CAMTA1: variants seen among roughly 807,000 people sequenced by gnomAD.
The protein encoded by CAMTA1 is calmodulin binding transcription activator 1, also known as calmodulin-binding transcription activator 1.
A neutral mutation model predicts 170.9 loss-of-function variants in CAMTA1; 27 were observed. The ratio of observed to expected loss-of-function variants is 0.16; its 90% confidence interval spans 0.12 to 0.22. The LOEUF (loss-of-function observed/expected upper bound fraction) is 0.22. Among genes scored for constraint, CAMTA1 ranks in the 10% least tolerant of loss-of-function variants. The pLI, the probability that CAMTA1 is intolerant of heterozygous loss-of-function variation, is 1.00. For missense variants in CAMTA1, 1,619 were observed against 2,217.2 expected, an observed-to-expected ratio of 0.73 and a Z score of 5.42; for synonymous variants, 833 against 891.5, an observed-to-expected ratio of 0.93 and a Z score of 1.17.
At chr1:7,082,410 C>T (rs934820050) in intron 3 of CAMTA1, among the ~76,000 whole-genome samples, 1 of 151,770 alleles carries the variant, frequency 6.6e-6, no homozygotes, top group Non-Finnish European at 1.5e-5. Context: ...TGCCTTCCAG[C>T]CCAGGTGACG....
intron 3 of CAMTA1, among the ~76,000 whole-genome samples, chr1:6,945,050 C>T (rs1446239071): frequency 1.3e-5 from 2 of 152,154 alleles, no homozygotes; most frequent in Admixed American, 6.5e-5. Flanking sequence ...TTGTCTGGCT[C>T]CTACTCTGAG....
intron 3 of CAMTA1, among the ~76,000 whole-genome samples, chr1:7,078,429 T>C (rs1049182425): frequency 6.6e-6 from 1 of 152,198 alleles, no homozygotes; most frequent in Non-Finnish European, 1.5e-5. Context: ...TCAGACACTC[T>C]CTCTCCCTCT....
intron 3 of CAMTA1, among the ~76,000 whole-genome samples, chr1:6,954,095 C>CT (rs1689021874): frequency 6.6e-6 from 1 of 152,346 alleles, no homozygotes; most frequent in African/African-American, 2.4e-5. Context: ...GGGACTTGTC[C>CT]TTTTTCTCAC....
intron 5 of CAMTA1, among the ~76,000 whole-genome samples, chr1:7,367,617 C>T (rs146559709): frequency 2.0e-3 from 298 of 152,360 alleles, no homozygotes; most frequent in Middle Eastern, 6.8e-3. Flanking sequence ...GCTCTGGGCC[C>T]TCTGCACTCT....
chr1:6,792,475 AT>A (rs879731888), intron 1 of CAMTA1, among the ~76,000 whole-genome samples: 216 of 144,584 alleles, frequency 1.5e-3, no homozygotes, highest in African/African-American at 3.9e-3. Flanking sequence ...TTTCCTGAGC[AT>A]TTTTTTTTTT....
At chr1:6,967,433 C>T (rs749062460) in intron 3 of CAMTA1, among the ~76,000 whole-genome samples, 19 of 152,188 alleles carry the variant, frequency 1.2e-4, no homozygotes, top group Middle Eastern at 3.4e-3. Context: ...GCTCCCCACC[C>T]GCGAATGTGG....
chr1:7,382,265 A>G (rs2087427595), intron 5 of CAMTA1, among the ~76,000 whole-genome samples: 1 of 152,268 alleles, frequency 6.6e-6, no homozygotes, highest in African/African-American at 2.4e-5. Flanking sequence ...AGGGAAACAG[A>G]TAGCTATCTC....
chr1:7,153,234 C>G (rs892205682), intron 4 of CAMTA1, among the ~76,000 whole-genome samples: 1 of 152,156 alleles, frequency 6.6e-6, no homozygotes, highest in African/African-American at 2.4e-5. Flanking sequence ...ATGAGAAAGA[C>G]AGAGTCCCTA....
rs2100764148 is a variant in CAMTA1 at position 7,010,208 on chromosome 1, A to G, written c.235-81096A>G. The stretch of plus-strand genomic sequence containing the variant: ...CTGGAGCTTGGGGAAGCTTCAGTCC[A>G]GAGAAGACAGAGGACTTGACTGAGC... On this transcript the variant is annotated intron_variant, in intron 3 of 22. Transcript: ENST00000303635. This position sits in a 1 kb window ranked among gnomAD's most constrained non-coding sequence, Gnocchi z 4.4. Among the ~76,000 whole-genome samples the G allele has an allele frequency of 1.3e-5, 2 of 152,342 alleles. No individual in the cohort carries two copies. Among genetic ancestry groups the G allele is most frequent in the East Asian group, 3.9e-4 (2 of 5,178 alleles).
chr1:7,250,183 C>G (rs189838065), intron 5 of CAMTA1, among the ~76,000 whole-genome samples: 4 of 152,186 alleles, frequency 2.6e-5, no homozygotes, highest in African/African-American at 7.2e-5. Context: ...GGGCCGACTT[C>G]GGGTTTTGGC....
chr1:6,866,639 GA>G (rs1272733858), intron 3 of CAMTA1, among the ~76,000 whole-genome samples: 2 of 152,074 alleles, frequency 1.3e-5, no homozygotes, highest in African/African-American at 4.8e-5. Context: ...CCAATCGGAA[GA>G]AAAAAATTTA....
chr1:6,788,178 CCTCCCTTTCTCCCTCT>C (rs576772827), intron 1 of CAMTA1, among the ~76,000 whole-genome samples: 7 of 151,384 alleles, frequency 4.6e-5, no homozygotes, highest in African/African-American at 1.7e-4. Flanking sequence ...TCCCTCCCTC[CCTCCCTTTCTCCCTCT>C]TTCACGAAAT....
intron 4 of CAMTA1, among the ~76,000 whole-genome samples, chr1:7,133,890 G>A (rs767354307): frequency 6.6e-6 from 1 of 152,322 alleles, no homozygotes; most frequent in South Asian, 2.1e-4. Context: ...TATGAAATAA[G>A]TTTTTTAAAA....
intron 3 of CAMTA1, among the ~76,000 whole-genome samples, chr1:6,910,859 T>G (rs1214845813): frequency 6.6e-6 from 1 of 152,224 alleles, no homozygotes; most frequent in Non-Finnish European, 1.5e-5. Flanking sequence ...GTGGCTGGAC[T>G]TCAGCAGCTC....
intron 6 of CAMTA1, among the ~76,000 whole-genome samples, chr1:7,555,733 C>T (rs905531953): frequency 1.4e-4 from 21 of 149,302 alleles, no homozygotes; most frequent in African/African-American, 4.9e-4. Flanking sequence ...AGCACGTGGT[C>T]CCCCAAACCA....
rs1666606981 is a variant in CAMTA1, at chr1:7,251,330, G to A, written c.438+1704G>A. 6.6e-6 allele frequency among the ~76,000 whole-genome samples: 1 copy of A among 152,178 alleles called. No individual in the cohort carries two copies. Among genetic ancestry groups the A allele is most frequent in the Non-Finnish European group, 1.5e-5 (1 of 68,026 alleles). ...GAATCAGAATGATTTATGGCTATTTGTTAGGCCATATTTGTGTTTGGAGTT... is the reference window on the plus strand; with the variant it reads ...GAATCAGAATGATTTATGGCTATTTATTAGGCCATATTTGTGTTTGGAGTT... On this transcript the variant is annotated intron_variant, in intron 5 of 22. Coordinates refer to ENST00000303635, the MANE Select transcript of CAMTA1 (RefSeq NM_015215.4). This position sits in a 1 kb window ranked among gnomAD's most constrained non-coding sequence, Gnocchi z 5.1.
intron 7 of CAMTA1, among the ~76,000 whole-genome samples, chr1:7,647,865 C>G (rs540044873): frequency 6.6e-6 from 1 of 152,366 alleles, no homozygotes; most frequent in Admixed American, 6.5e-5. Flanking sequence ...AGGAGGGTTA[C>G]TTGAGCCCAG....
chr1:7,103,840 ACATG>A (rs1289209173), intron 4 of CAMTA1, among the ~76,000 whole-genome samples: 6,149 of 75,610 alleles, frequency 0.081, 464 homozygotes, highest in African/African-American at 0.25. Context: ...ACAACTACAC[ACATG>A]TACACACAAC....
At chr1:7,606,730 C>T (rs558597711) in intron 6 of CAMTA1, among the ~76,000 whole-genome samples, 125 of 152,278 alleles carry the variant, frequency 8.2e-4, no homozygotes, top group African/African-American at 2.8e-3. Flanking sequence ...ATGGTTCCCA[C>T]CTCCAACCTC....
Sources: allele counts gnomAD v4.1 joint callset (sites outside exome capture counted in the v4.1 genomes callset), GRCh38; gene constraint gnomAD v4.1.1; non-coding constraint Gnocchi (gnomAD v3.1); transcripts MANE v1.5; gene names NCBI Gene and HGNC (gene_info 2026-07-23, HGNC 2026-07-21).